Variants in RSBN1L observed in about 807,000 individuals in gnomAD.
RSBN1L encodes the protein lysine-specific demethylase RSBN1L.
Under a neutral mutation model 67.7 loss-of-function variants are expected in RSBN1L, and 30 were observed. The ratio of observed to expected loss-of-function variants is 0.44; its 90% CI spans 0.33 to 0.60. The LOEUF (loss-of-function observed/expected upper bound fraction) is 0.60. RSBN1L is among the 20% of genes least tolerant of loss of function. The pLI is 0.02. For synonymous variants in RSBN1L, 433 were observed against 387.0 expected, an observed-to-expected ratio of 1.12 and a Z score of -1.39; for missense variants, 992 against 1,031.7, an observed-to-expected ratio of 0.96 and a Z score of 0.53.
chr7:77,760,331 C>T (rs1465894747), intron 3 of RSBN1L, among the ~76,000 whole-genome samples: 1 of 152,076 alleles, frequency 6.6e-6, no homozygotes, highest in Non-Finnish European at 1.5e-5. Flanking sequence ...CCTACTTCTG[C>T]TTTCTTTTTT....
chr7:77,737,340 A>T (rs1044815042), intron 2 of RSBN1L, among the ~76,000 whole-genome samples: 1 of 152,220 alleles, frequency 6.6e-6, no homozygotes, highest in Non-Finnish European at 1.5e-5. Flanking sequence ...CTTCATATTG[A>T]ATTTAATTGT....
chr7:77,745,138 G>GT (rs977977371), intron 2 of RSBN1L, among the ~76,000 whole-genome samples: 2 of 152,056 alleles, frequency 1.3e-5, no homozygotes, highest in Non-Finnish European at 2.9e-5. Context: ...GCGCATGCCT[G>GT]TAATCCCAGC....
chr7:77,698,684 TA>T (rs1381913942), intron 1 of RSBN1L, among the ~76,000 whole-genome samples: 2 of 152,228 alleles, frequency 1.3e-5, no homozygotes, highest in Admixed American at 6.5e-5. Context: ...TTAACACTAA[TA>T]TTATTAATCC....
intron 2 of RSBN1L, among the ~76,000 whole-genome samples, chr7:77,743,976 T>G (rs1791447652): frequency 6.6e-6 from 1 of 152,216 alleles, no homozygotes; most frequent in Non-Finnish European, 1.5e-5. Flanking sequence ...TCCTCCTGCC[T>G]TGGCCTCCCA....
chr7:77,755,728 A>G (rs1435787331), intron 3 of RSBN1L, among the ~76,000 whole-genome samples: 1 of 152,140 alleles, frequency 6.6e-6, no homozygotes, highest in East Asian at 1.9e-4. Context: ...AAAAAATTGT[A>G]AGTAAGCTGA....
chr7:77,755,676 C>CAA (rs1172118544), intron 3 of RSBN1L, among the ~76,000 whole-genome samples: 2 of 34,714 alleles, frequency 5.8e-5, no homozygotes, highest in African/African-American at 1.1e-3. Flanking sequence ...AAAAACAAAA[C>CAA]AAAAACAAAA....
At chr7:77,762,917 A>G (rs2150430516) in intron 3 of RSBN1L, among the ~76,000 whole-genome samples, 1 of 152,294 alleles carries the variant, frequency 6.6e-6, no homozygotes, top group South Asian at 2.1e-4. Flanking sequence ...GAATTCACTT[A>G]ATGAAAATTC....
At chr7:77,736,859 C>T (rs1791344188) in intron 2 of RSBN1L, among the ~76,000 whole-genome samples, 2 of 152,008 alleles carry the variant, frequency 1.3e-5, no homozygotes, top group Non-Finnish European at 2.9e-5. Flanking sequence ...GAAAAATTGC[C>T]AAAGCAAGTT....
chr7:77,778,278 A>G (rs1290297073), intron 6 of RSBN1L, 60 bp from the exon 7 acceptor site: 1 of 1,146,754 alleles, frequency 8.7e-7, no homozygotes, highest in Non-Finnish European at 1.3e-6. Context: ...TGAGTTTAAT[A>G]AGGACTCAAA....
Position 77,773,318 on chromosome 7 carries a change from T to A in RSBN1L, c.1793+4T>A, listed in dbSNP as rs1205310529. ...AGGCTGTGCACTGTGGAGAGTGGTATATATAACTACCGCTATTTTAATGAA... is the reference window on the plus strand; with the variant it reads ...AGGCTGTGCACTGTGGAGAGTGGTAAATATAACTACCGCTATTTTAATGAA... On this transcript the variant is annotated splice_donor_region_variant and intron_variant, in intron 6 of 7. Transcript: ENST00000334955. The A allele has an allele frequency of 6.7e-7, 1 of 1,487,984 alleles. No homozygotes were observed. Among genetic ancestry groups the A allele is most frequent in the Non-Finnish European group, 9.0e-7 (1 of 1,112,108 alleles). The allele number at this position is 1,487,984 out of a possible 1,614,324, so 92.2% of individuals were successfully genotyped here.
chr7:77,767,324 C>T (rs958236585), intron 4 of RSBN1L, among the ~76,000 whole-genome samples: 3 of 151,108 alleles, frequency 2.0e-5, no homozygotes, highest in African/African-American at 7.3e-5. Flanking sequence ...CTCAACATTC[C>T]ATGGACAGTG....
chr7:77,720,913 T>G (rs1791110984), intron 1 of RSBN1L, among the ~76,000 whole-genome samples: 2 of 151,880 alleles, frequency 1.3e-5, no homozygotes, highest in Admixed American at 1.3e-4. Flanking sequence ...TGGGCGACCT[T>G]GCCCGGCTAC....
intron 1 of RSBN1L, among the ~76,000 whole-genome samples, chr7:77,724,864 C>T (rs542234729): frequency 9.8e-5 from 14 of 142,606 alleles, no homozygotes; most frequent in South Asian, 2.2e-4. Context: ...TTTTTTGAGA[C>T]GGAGTTTCGC....
At chr7:77,762,002 T>TA (rs1292709330) in intron 3 of RSBN1L, among the ~76,000 whole-genome samples, 1 of 152,188 alleles carries the variant, frequency 6.6e-6, no homozygotes, top group Non-Finnish European at 1.5e-5. Context: ...AAGCAGTTTT[T>TA]ATAAAGGCCA....
At chr7:77,719,142 A>G (rs1384018541) in intron 1 of RSBN1L, among the ~76,000 whole-genome samples, 1 of 152,222 alleles carries the variant, frequency 6.6e-6, no homozygotes, top group Non-Finnish European at 1.5e-5. Flanking sequence ...TTCTCACTGC[A>G]CATACATTAG....
At position 77,778,896 on chromosome 7, in the gene RSBN1L, A is replaced by C; in HGVS notation, c.2269A>C (p.Ile757Leu). The stretch of plus-strand genomic sequence containing the variant: ...ATTACAGCAGATTAAACATGAACCT[A>C]TTGCATCTGTAAGAATCAAGGAAGA... ...YELQQIKHEPIASVRIKEEPV... is the reference protein window; with the variant it reads ...YELQQIKHEPLASVRIKEEPV... The change falls in exon 8 of 8, where the codon ATT (isoleucine) becomes CTT (leucine). Residue 757 changes from isoleucine (I) to leucine (L), a missense_variant. By Grantham distance (5) the Ile-to-Leu change is conservative. Coordinates refer to ENST00000334955, the MANE Select transcript of RSBN1L (RefSeq NM_198467.3). 6.2e-7 allele frequency: 1 copy of C among 1,613,996 alleles called. No homozygotes were observed. The highest frequency in any genetic ancestry group is 1.1e-5 in the South Asian group (1 of 91,076).
intron 6 of RSBN1L, among the ~76,000 whole-genome samples, chr7:77,776,998 C>A (rs1490446180): frequency 6.6e-5 from 10 of 150,544 alleles, no homozygotes; most frequent in Non-Finnish European, 1.5e-4. Context: ...CTTTTCTTGT[C>A]ATTTTTAAGC....
chr7:77,707,742 G>A (rs1790914452), intron 1 of RSBN1L, among the ~76,000 whole-genome samples: 1 of 151,966 alleles, frequency 6.6e-6, no homozygotes, highest in Admixed American at 6.6e-5. Flanking sequence ...TTAAATTATA[G>A]ATGACTGGCA....
chr7:77,711,088 A>G (rs995592666), intron 1 of RSBN1L, among the ~76,000 whole-genome samples: 3 of 152,168 alleles, frequency 2.0e-5, no homozygotes, highest in Non-Finnish European at 4.4e-5. Flanking sequence ...TAGAAAAACA[A>G]TTGGCTGGTA....
Sources: gnomAD v4.1 joint callset for allele counts (sites outside exome capture counted in the v4.1 genomes callset) on GRCh38, gnomAD v4.1.1 for gene constraint, MANE v1.5 for transcripts, NCBI Gene and HGNC (gene_info 2026-07-23, HGNC 2026-07-21) for gene names.